The following RGS21 variants were observed in gnomAD, a reference collection of about 807,000 sequenced individuals.
RGS21 encodes regulator of G-protein signalling 21.
A neutral mutation model predicts 18.7 loss-of-function variants in RGS21; 19 were observed. That is an observed-to-expected ratio of 1.01 (90% CI 0.71 to 1.49). The LOEUF (loss-of-function observed/expected upper bound fraction) is 1.49, where lower values mean the gene tolerates loss of function less well. Among genes scored for constraint, RGS21 ranks in the 40% most tolerant of loss-of-function variants. The pLI is 0.00. For missense variants in RGS21, 194 were observed against 176.8 expected (o/e 1.10, Z -0.55); for synonymous variants, 56 against 57.8 (o/e 0.97, Z 0.14).
chr1:192,331,173 G>A (rs1399384517), intron 1 of RGS21, among the ~76,000 whole-genome samples: 2 of 152,106 alleles, frequency 1.3e-5, no homozygotes, highest in South Asian at 2.1e-4. Flanking sequence ...ATGCAGCCAC[G>A]CAAATTTTGT....
At chr1:192,333,866 A>G (rs908002393) in intron 1 of RGS21, among the ~76,000 whole-genome samples, 3 of 152,156 alleles carry the variant, frequency 2.0e-5, no homozygotes, top group African/African-American at 7.2e-5. Context: ...ATTATATAAG[A>G]TGCAAACCAT....
intron 1 of RGS21, among the ~76,000 whole-genome samples, chr1:192,322,175 T>G (rs1192836877): frequency 6.6e-6 from 1 of 151,568 alleles, no homozygotes; most frequent in African/African-American, 2.4e-5. Context: ...GTATACTCAG[T>G]TCCTTTAGAA....
chr1:192,342,073 A>G (rs1658879510), intron 1 of RGS21, among the ~76,000 whole-genome samples: 2 of 151,972 alleles, frequency 1.3e-5, no homozygotes, highest in Non-Finnish European at 2.9e-5. Flanking sequence ...AACCATTTCT[A>G]TAGATCAACT....
At chr1:192,334,593 A>G (rs1185850837) in intron 1 of RGS21, among the ~76,000 whole-genome samples, 2 of 152,110 alleles carry the variant, frequency 1.3e-5, no homozygotes, top group Non-Finnish European at 2.9e-5. Flanking sequence ...AATATATGTA[A>G]GAAACTTGGG....
chr1:192,357,516 C>T (rs892560054), intron 4 of RGS21, among the ~76,000 whole-genome samples: 1 of 151,834 alleles, frequency 6.6e-6, no homozygotes, highest in Non-Finnish European at 1.5e-5. Context: ...TTGGTCATCA[C>T]GTTCACTCTC....
At chr1:192,346,772 G>T (rs953627349) in intron 2 of RGS21, among the ~76,000 whole-genome samples, 1 of 152,038 alleles carries the variant, frequency 6.6e-6, no homozygotes, top group Non-Finnish European at 1.5e-5. Context: ...AGTCTAAAGA[G>T]AAATAAAGGC....
intron 4 of RGS21, among the ~76,000 whole-genome samples, chr1:192,364,715 C>T (rs985221848): frequency 6.6e-6 from 1 of 152,008 alleles, no homozygotes; most frequent in Non-Finnish European, 1.5e-5. Context: ...ATTTAAATTC[C>T]ATTTAACAAA....
chr1:192,365,813 G>A (rs919824149), intron 4 of RGS21, 108 bp from the exon 5 acceptor site: 2 of 613,618 alleles, frequency 3.3e-6, no homozygotes, highest in African/African-American at 2.0e-5. Flanking sequence ...CTGCTGTTTT[G>A]CATCAGATTT....
At chr1:192,335,640 T>C (rs1658756392) in intron 1 of RGS21, among the ~76,000 whole-genome samples, 1 of 152,168 alleles carries the variant, frequency 6.6e-6, no homozygotes, top group Admixed American at 6.6e-5. Flanking sequence ...GTAGAAAATA[T>C]GTAATCAGCA....
At chr1:192,330,295 A>G (rs1658628130) in intron 1 of RGS21, among the ~76,000 whole-genome samples, 1 of 152,210 alleles carries the variant, frequency 6.6e-6, no homozygotes, top group South Asian at 2.1e-4. Context: ...ATCCATGGGT[A>G]GAATTTAGAC....
At chr1:192,343,624 G>A (rs925921264) in intron 2 of RGS21, among the ~76,000 whole-genome samples, 1 of 152,012 alleles carries the variant, frequency 6.6e-6, no homozygotes, top group Non-Finnish European at 1.5e-5. Flanking sequence ...CATATAATAT[G>A]GGTACTGCTG....
intron 3 of RGS21, among the ~76,000 whole-genome samples, chr1:192,347,999 CAT>C (rs1306682993): frequency 7.4e-6 from 1 of 134,990 alleles, no homozygotes; most frequent in African/African-American, 3.2e-5. Context: ...TGTATACACA[CAT>C]ACACATACAT....
Position 192,366,083 on chromosome 1 carries a change from C to T in RGS21, c.418C>T (p.Gln140Ter), listed in dbSNP as rs1241862525. The change falls in exon 5 of 5, where the codon CAA becomes TAA. Residue 140 changes from glutamine to a stop codon, truncating the protein, a stop_gained. Coordinates refer to ENST00000417209, the MANE Select transcript of RGS21 (RefSeq NM_001039152.3). LOFTEE classifies it high-confidence loss of function. ...SEIYKKLVNS[Q>*]QVPNHKKWLP... is the part of the protein sequence containing the mutation. ...GATTTATAAAAAACTGGTAAATAGCCAACAGGTTCCAAATCATAAAAAATG... is the reference window on the plus strand; with the variant it reads ...GATTTATAAAAAACTGGTAAATAGCTAACAGGTTCCAAATCATAAAAAATG... 6.2e-7 allele frequency: 1 copy of T among 1,611,016 alleles called. No individual in the cohort carries two copies. The highest frequency in any genetic ancestry group is 1.7e-5 in the Admixed American group (1 of 59,758).
chr1:192,364,723 A>T (rs747742915), intron 4 of RGS21, among the ~76,000 whole-genome samples: 1 of 152,154 alleles, frequency 6.6e-6, no homozygotes, highest in African/African-American at 2.4e-5. Flanking sequence ...TCCATTTAAC[A>T]AATATTTATT....
chr1:192,356,633 TGGG>T (rs1183025525), intron 4 of RGS21, among the ~76,000 whole-genome samples: 1 of 151,732 alleles, frequency 6.6e-6, no homozygotes, highest in African/African-American at 2.4e-5. Flanking sequence ...AACTGAGTCT[TGGG>T]GGAAGAAACA....
chr1:192,342,308 A>C (rs555012533), intron 1 of RGS21, among the ~76,000 whole-genome samples: 8 of 152,214 alleles, frequency 5.3e-5, no homozygotes, highest in African/African-American at 1.7e-4. Context: ...TAAAATTGCC[A>C]ATATATGGTC....
intron 4 of RGS21, among the ~76,000 whole-genome samples, chr1:192,359,610 T>C (rs927502885): frequency 6.7e-6 from 1 of 149,368 alleles, no homozygotes; most frequent in Admixed American, 6.7e-5. Context: ...AAGGAAGAAA[T>C]ATGTATCTAT....
chr1:192,339,405 A>G (rs1384037018), intron 1 of RGS21, among the ~76,000 whole-genome samples: 3 of 152,050 alleles, frequency 2.0e-5, no homozygotes, highest in Non-Finnish European at 4.4e-5. Context: ...TAAATGCTCT[A>G]TATTGTCTTT....
intron 1 of RGS21, among the ~76,000 whole-genome samples, chr1:192,321,494 T>C (rs961260726): frequency 3.3e-5 from 5 of 152,054 alleles, no homozygotes; most frequent in Non-Finnish European, 2.9e-5. Context: ...CTAACTCTAA[T>C]ATAAAATCAT....
Sources: allele counts gnomAD v4.1 joint callset (sites outside exome capture counted in the v4.1 genomes callset), GRCh38; gene constraint gnomAD v4.1.1; transcripts MANE v1.5; gene names NCBI Gene and HGNC (gene_info 2026-07-23, HGNC 2026-07-21).